The following CLDN10 variants were observed in gnomAD, a reference collection of about 807,000 sequenced individuals.
CLDN10 encodes the protein claudin-10.
A neutral mutation model predicts 22.9 loss-of-function variants in CLDN10; 15 were observed. The ratio of observed to expected loss-of-function variants is 0.65; its 90% CI spans 0.44 to 1.01. The LOEUF is 1.01. Among genes scored for constraint, CLDN10 ranks in the 50% least tolerant of loss-of-function variants. The pLI, the probability that CLDN10 is intolerant of heterozygous loss-of-function variation, is 0.00. For missense variants in CLDN10, 247 were observed against 287.8 expected, an observed-to-expected ratio of 0.86 and a Z score of 1.03; for synonymous variants, 114 against 111.4, an observed-to-expected ratio of 1.02 and a Z score of -0.15.
At chr13:95,496,792 G>A (rs12877590) in intron 1 of CLDN10, among the ~76,000 whole-genome samples, 42,036 of 152,108 alleles carry the variant, frequency 0.28, 6,141 homozygotes, top group African/African-American at 0.35. Context: ...CATCACATTG[G>A]GGGTTACAGC....
chr13:95,543,831 C>A (rs2043483021), intron 1 of CLDN10, among the ~76,000 whole-genome samples: 1 of 151,600 alleles, frequency 6.6e-6, no homozygotes, highest in South Asian at 2.1e-4. Flanking sequence ...TATATGCAAT[C>A]GATTGTAAAA....
At chr13:95,485,783 ACCT>A (rs1466605178) in intron 1 of CLDN10, among the ~76,000 whole-genome samples, 2 of 152,274 alleles carry the variant, frequency 1.3e-5, no homozygotes, top group East Asian at 3.9e-4. Flanking sequence ...CTCAAATGTA[ACCT>A]CCTCTGGGGT....
At chr13:95,446,065 G>A (rs1390546198) in intron 1 of CLDN10, among the ~76,000 whole-genome samples, 4 of 152,186 alleles carry the variant, frequency 2.6e-5, no homozygotes, top group African/African-American at 7.2e-5. Context: ...GGCACAGAGT[G>A]GGAGAAGATA....
chr13:95,541,063 A>G (rs149981195), intron 1 of CLDN10, among the ~76,000 whole-genome samples: 1,539 of 152,372 alleles, frequency 0.01, 26 homozygotes, highest in African/African-American at 0.035. Flanking sequence ...GCAGCTGTGC[A>G]TGCTAAATCT....
chr13:95,577,136 A>G, intron 3 of CLDN10, 95 bp from the exon 4 acceptor site: 1 of 791,102 alleles, frequency 1.3e-6, no homozygotes, highest in Non-Finnish European at 2.1e-6. Flanking sequence ...GCAAAAAAAC[A>G]TAATAAGCAT....
intron 1 of CLDN10, among the ~76,000 whole-genome samples, chr13:95,450,243 T>C (rs2042420967): frequency 1.3e-5 from 2 of 152,236 alleles, no homozygotes; most frequent in Non-Finnish European, 2.9e-5. Context: ...AAAGTTAATA[T>C]ATGAGTTAGC....
chr13:95,578,058 G>C lies in CLDN10; in HGVS notation c.*44G>C. On this transcript the variant is annotated 3_prime_UTR_variant, in exon 5 of 5. Coordinates refer to ENST00000299339, the MANE Select transcript of CLDN10 (RefSeq NM_006984.5). ...TGCCTCTTGAGTTTGTTATAAAAGC[G>C]AACTGTTCACAAAATGATCCCATCA... is the stretch of plus-strand genomic sequence containing the variant. 1 of 1,154,882 alleles carries C rather than the reference G, an allele frequency of 8.7e-7. No individual in the cohort carries two copies. The highest frequency in any genetic ancestry group is 1.3e-6 in the Non-Finnish European group (1 of 778,798). 71.5% of individuals were successfully genotyped at this position (1,154,882 alleles called of 1,614,324 possible). A position where few individuals can be genotyped will look rare whatever the true frequency, so the allele number is the denominator to read the frequency against.
intron 1 of CLDN10, among the ~76,000 whole-genome samples, chr13:95,524,074 G>A (rs1474754600): frequency 6.8e-6 from 1 of 146,376 alleles, no homozygotes; most frequent in Non-Finnish European, 1.5e-5. Flanking sequence ...CCAACGTTTG[G>A]TCTTAGGTAC....
At chr13:95,561,587 G>A (rs1385456099) in intron 3 of CLDN10, among the ~76,000 whole-genome samples, 1 of 152,212 alleles carries the variant, frequency 6.6e-6, no homozygotes, top group Non-Finnish European at 1.5e-5. Context: ...AAGAGGCCAA[G>A]TGATGTGTTC....
chr13:95,450,873 C>G (rs1427193439), intron 1 of CLDN10, among the ~76,000 whole-genome samples: 2 of 152,202 alleles, frequency 1.3e-5, no homozygotes, highest in Non-Finnish European at 2.9e-5. Context: ...ATGAAACCCC[C>G]AAAGGCAGAG....
rs143587682 is a variant in CLDN10 at position 95,444,094 on chromosome 13, G to A, written c.214+10047G>A. 3.0e-4 allele frequency among the ~76,000 whole-genome samples: 45 copies of A among 152,288 alleles called. No homozygotes were observed. In the East Asian group the frequency reaches 7.7e-3, roughly 26 times the overall value. On this transcript the variant is annotated intron_variant, in intron 1 of 4. Coordinates refer to the CLDN10 transcript ENST00000376873. ...AGGTTTATCTCTCACAAGGTTCATA[G>A]CTCCTCTCCCTGCTCATTGCCCATC...
At chr13:95,436,843 A>G (rs942795749) in intron 1 of CLDN10, among the ~76,000 whole-genome samples, 3 of 152,230 alleles carry the variant, frequency 2.0e-5, no homozygotes, top group African/African-American at 7.2e-5. Context: ...AAAGCTATCT[A>G]TGCCAATAAT....
rs139277040 is a variant in CLDN10 at position 95,468,408 on chromosome 13, C to T, written c.214+34361C>T. On this transcript the variant is annotated intron_variant, in intron 1 of 4. Transcript: ENST00000376873. Reference sequence around the variant, plus strand: ...CCATTTCTCCAAAGAACCCTGTTCACTTTAACCAGAAATGGTATTTAGAGT... The same window carrying T: ...CCATTTCTCCAAAGAACCCTGTTCATTTTAACCAGAAATGGTATTTAGAGT... Among the ~76,000 whole-genome samples the T allele has an allele frequency of 3.4e-3, 519 of 152,242 alleles. 2 individuals are homozygous for T. Among genetic ancestry groups the T allele is most frequent in the Middle Eastern group, 0.017 (5 of 294 alleles).
chr13:95,439,456 C>T (rs1377257637), intron 1 of CLDN10, among the ~76,000 whole-genome samples: 1 of 151,810 alleles, frequency 6.6e-6, no homozygotes, highest in Non-Finnish European at 1.5e-5. Context: ...GCTTCTGCCT[C>T]CCAAGTAGCG....
At chr13:95,494,293 C>T (rs1371399307) in intron 1 of CLDN10, among the ~76,000 whole-genome samples, 1 of 152,160 alleles carries the variant, frequency 6.6e-6, no homozygotes, top group Non-Finnish European at 1.5e-5. Context: ...CACGAATAAT[C>T]ATGACATTTG....
rs1373759386 is a variant in CLDN10 at position 95,565,005 on chromosome 13, A to G, written c.464+4542A>G. Among the ~76,000 whole-genome samples the G allele has an allele frequency of 7.2e-5, 11 of 151,962 alleles. No individual in the cohort carries two copies. In the East Asian group the frequency reaches 1.3e-3, roughly 19 times the overall value. ...TGTTTTGCTTTTTTTCATTCGAGCT[A>G]TGACTATGTTTGATGACTCCAGCAT... is the stretch of plus-strand genomic sequence containing the variant. On this transcript the variant is annotated intron_variant, in intron 3 of 4. Transcript: ENST00000299339.
chr13:95,526,292 C>G (rs1056149675), intron 1 of CLDN10, among the ~76,000 whole-genome samples: 1 of 152,100 alleles, frequency 6.6e-6, no homozygotes, highest in African/African-American at 2.4e-5. Context: ...CATTTGACTT[C>G]CCTGTTGGAA....
At chr13:95,509,050 T>C (rs2043068994) in intron 1 of CLDN10, among the ~76,000 whole-genome samples, 1 of 152,276 alleles carries the variant, frequency 6.6e-6, no homozygotes. Context: ...AGATGTCCAC[T>C]GCCTAGATGA....
intron 1 of CLDN10, among the ~76,000 whole-genome samples, chr13:95,557,582 C>T (rs994799202): frequency 6.6e-6 from 1 of 152,112 alleles, no homozygotes; most frequent in South Asian, 2.1e-4. Context: ...TTTGTGCATG[C>T]GCAAAATTAA....
Sources: allele counts gnomAD v4.1 joint callset (sites outside exome capture counted in the v4.1 genomes callset), GRCh38; gene constraint gnomAD v4.1.1; transcripts MANE v1.5; gene names NCBI Gene and HGNC (gene_info 2026-07-23, HGNC 2026-07-21).